Variants in ADGRL3 observed in about 807,000 individuals in gnomAD.
ADGRL3 encodes adhesion G protein-coupled receptor L3, also known as calcium-independent alpha-latrotoxin receptor 3.
Under a neutral mutation model 153.5 loss-of-function variants are expected in ADGRL3, and 62 were observed. That is an observed-to-expected ratio of 0.40 (90% CI 0.33 to 0.50). ADGRL3 has a LOEUF of 0.50. Ranked by LOEUF, ADGRL3 falls within the 20% of genes least tolerant of loss-of-function variation. The probability of loss-of-function intolerance (pLI) is 0.47; values close to 1 mark genes in which losing one functional copy is unlikely to be tolerated. For missense variants in ADGRL3, 1,641 were observed against 1,859.4 expected (o/e 0.88, Z 2.16); for synonymous variants, 710 against 672.5 (o/e 1.06, Z -0.86).
chr4:61,306,816 T>C (rs13151711), intron 1 of ADGRL3, among the ~76,000 whole-genome samples: 120,620 of 152,114 alleles, frequency 0.79, 48,034 homozygotes, highest in East Asian at 0.98. Flanking sequence ...TTGCCCTATT[T>C]CAGTCAATTC....
chr4:61,394,692 T>C (rs2096850156), intron 2 of ADGRL3, among the ~76,000 whole-genome samples: 1 of 152,016 alleles, frequency 6.6e-6, no homozygotes, highest in South Asian at 2.1e-4. Context: ...AAAAAAGAAA[T>C]AAAGAAATTG....
intron 6 of ADGRL3, among the ~76,000 whole-genome samples, chr4:61,681,985 A>T (rs2095346293): frequency 6.6e-6 from 1 of 152,080 alleles, no homozygotes. Flanking sequence ...AGAAGAAAGA[A>T]AATTTAGTCA....
At chr4:62,002,264 GC>G in intron 21 of ADGRL3, among the ~76,000 whole-genome samples, 1 of 144,898 alleles carries the variant, frequency 6.9e-6, no homozygotes, top group East Asian at 2.1e-4. Flanking sequence ...TGATCTAGTT[GC>G]CGTTGTCTTT....
chr4:61,332,208 A>G (rs2095586590), intron 1 of ADGRL3, among the ~76,000 whole-genome samples: 1 of 152,124 alleles, frequency 6.6e-6, no homozygotes, highest in South Asian at 2.1e-4. Flanking sequence ...AAAACAAACT[A>G]TATCTTGACT....
chr4:61,894,115 A>G (rs2098609104), intron 10 of ADGRL3, among the ~76,000 whole-genome samples: 3 of 152,080 alleles, frequency 2.0e-5, no homozygotes, highest in Admixed American at 6.5e-5. Flanking sequence ...TCTTATTGTT[A>G]CGTACATTGG....
intron 5 of ADGRL3, among the ~76,000 whole-genome samples, chr4:61,609,207 C>A (rs2099043963): frequency 6.6e-6 from 1 of 152,004 alleles, no homozygotes; most frequent in African/African-American, 2.4e-5. Context: ...ATCTGAGTTC[C>A]AAATTGTTTA....
Position 61,714,456 on chromosome 4 carries a change from A to G in ADGRL3, c.584-16166A>G, listed in dbSNP as rs548758770. ...CTTGGCCCAATTCTGATTTCGGCCA[A>G]ACTGAAATGAACTATTTGTGGGCAC... is the stretch of plus-strand genomic sequence containing the variant. On this transcript the variant is annotated intron_variant, in intron 6 of 26. Transcript: ENST00000683033. Among the ~76,000 whole-genome samples the G allele has an allele frequency of 2.0e-5, 3 of 152,156 alleles. No individual in the cohort carries two copies. The South Asian group carries it at 6.2e-4, about 31-fold the overall frequency.
intron 25 of ADGRL3, 106 bp downstream of exon 25, chr4:62,044,655 A>G (rs1730150456): frequency 1.5e-6 from 1 of 676,684 alleles, no homozygotes; most frequent in Non-Finnish European, 2.5e-6. Flanking sequence ...ACATGATAGA[A>G]ACATTGTAAG....
At chr4:62,024,194 A>G (rs1252549732) in intron 21 of ADGRL3, among the ~76,000 whole-genome samples, 1 of 152,128 alleles carries the variant, frequency 6.6e-6, no homozygotes. Flanking sequence ...GTCTTAATTT[A>G]TTATACTCAG....
rs1281312485 is a variant in ADGRL3, at chr4:61,641,657, G to A, written c.474-35169G>A. Among the ~76,000 whole-genome samples, 15 of 151,962 alleles carry A rather than the reference G, an allele frequency of 9.9e-5. No individual in the cohort carries two copies. The East Asian group carries it at 2.9e-3, about 30-fold the overall frequency. ...CTGCATAGTATTCCATGGTGTATAT[G>A]TGCCACATTTTCTTAATCCAGTCTA... On this transcript the variant is annotated intron_variant, in intron 5 of 26. Coordinates refer to ENST00000683033, the MANE Select transcript of ADGRL3 (RefSeq NM_001387552.1).
chr4:61,739,262 A>G (rs896149215), intron 8 of ADGRL3, among the ~76,000 whole-genome samples: 5 of 152,172 alleles, frequency 3.3e-5, no homozygotes, highest in African/African-American at 1.2e-4. Context: ...TTCATATTGT[A>G]ATAATCTTAT....
chr4:61,991,101 A>G (rs2099102275), intron 19 of ADGRL3, among the ~76,000 whole-genome samples: 1 of 151,802 alleles, frequency 6.6e-6, no homozygotes, highest in South Asian at 2.1e-4. Context: ...ATAGTTAAGT[A>G]TTTATTAAAT....
At chr4:61,844,782 G>A (rs1398362497) in intron 9 of ADGRL3, among the ~76,000 whole-genome samples, 1 of 151,344 alleles carries the variant, frequency 6.6e-6, no homozygotes, top group Non-Finnish European at 1.5e-5. Context: ...TTTTCCAACA[G>A]ACTCAAGCTA....
chr4:61,343,646 A>G (rs1033595752), intron 1 of ADGRL3, among the ~76,000 whole-genome samples: 1 of 152,164 alleles, frequency 6.6e-6, no homozygotes, highest in Admixed American at 6.5e-5. Context: ...GGATGTTAAC[A>G]TGAAAAAAAA....
chr4:61,456,386 TA>T (rs1431729869), intron 2 of ADGRL3, among the ~76,000 whole-genome samples: 1 of 119,298 alleles, frequency 8.4e-6, no homozygotes, highest in East Asian at 2.2e-4. Context: ...TATATATATA[TA>T]TAGATATATC....
At chr4:62,055,580 T>C (rs959817515) in intron 25 of ADGRL3, among the ~76,000 whole-genome samples, 10 of 151,864 alleles carry the variant, frequency 6.6e-5, no homozygotes, top group African/African-American at 2.4e-4. Flanking sequence ...AATGTCATTG[T>C]TCAAATTAAA....
In ADGRL3 at chr4:61,678,091, A is replaced by G. The variant is rs182628134; in HGVS notation, c.583+1156A>G. Among the ~76,000 whole-genome samples the G allele has an allele frequency of 2.4e-4, 37 of 152,032 alleles. No individual in the cohort carries two copies. The East Asian group carries it at 5.8e-3, about 24-fold the overall frequency. ...ATATCTCATTTAGGTTATGCTTCTT[A>G]TATTGTTATCTCTATAGGCCCTTCT... On this transcript the variant is annotated intron_variant, in intron 6 of 26. Transcript: ENST00000683033.
intron 1 of ADGRL3, among the ~76,000 whole-genome samples, chr4:61,291,153 C>T (rs2094163736): frequency 6.9e-6 from 1 of 145,650 alleles, no homozygotes; most frequent in East Asian, 2.1e-4. Context: ...ATTTTAAAGG[C>T]CTAAGATTTT....
chr4:62,005,523 C>T (rs993926175), intron 21 of ADGRL3, among the ~76,000 whole-genome samples: 1 of 152,104 alleles, frequency 6.6e-6, no homozygotes, highest in East Asian at 1.9e-4. Flanking sequence ...ATGAGAAAGT[C>T]TAAAAACCTA....
Sources: gnomAD v4.1 joint callset for allele counts (sites outside exome capture counted in the v4.1 genomes callset) on GRCh38, gnomAD v4.1.1 for gene constraint, MANE v1.5 for transcripts, NCBI Gene and HGNC (gene_info 2026-07-23, HGNC 2026-07-21) for gene names.